Variants in MGAT4C observed in about 807,000 individuals in gnomAD.
MGAT4C encodes the protein MGAT4 family member C, also known as alpha-1,3-mannosyl-glycoprotein 4-beta-N-acetylglucosaminyltransferase C.
In MGAT4C, 19 loss-of-function variants were observed where a neutral mutation model predicts 40.1. The observed-to-expected ratio is 0.47, with a 90% CI of 0.33 to 0.70. MGAT4C has a LOEUF of 0.70. Ranked by LOEUF, MGAT4C falls within the 30% of genes least tolerant of loss-of-function variation. The pLI, the probability that MGAT4C is intolerant of heterozygous loss-of-function variation, is 0.02. For missense variants in MGAT4C, 491 were observed against 563.2 expected (o/e 0.87, Z 1.30); for synonymous variants, 181 against 187.1 (o/e 0.97, Z 0.27).
chr12:86,051,496 GA>G (rs1475307633), intron 1 of MGAT4C, among the ~76,000 whole-genome samples: 3 of 151,676 alleles, frequency 2.0e-5, no homozygotes, highest in Non-Finnish European at 2.9e-5. Context: ...TCATGTACCT[GA>G]GAAGAGATAT....
Position 85,979,395 on chromosome 12 carries a change from C to G in MGAT4C, c.1331G>C (p.Gly444Ala), listed in dbSNP as rs1287774088. 6.2e-7 allele frequency: 1 copy of G among 1,612,946 alleles called. No homozygotes were observed. The highest frequency in any genetic ancestry group is 8.5e-7 in the Non-Finnish European group (1 of 1,179,290). The change falls in exon 5 of 5, where the codon GGT becomes GCT. Residue 444 changes from glycine to alanine, a missense_variant. Gly to Ala is a moderately conservative substitution (Grantham distance 60, BLOSUM62 0). Transcript: ENST00000611864. ...EFKNGNFEMS[G>A]VNQKIPFDIH... ...ATCAAATGGAATTTTTTGATTTACACCTGACATTTCAAAGTTTCCATTTTT... is the reference window on the plus strand; with the variant it reads ...ATCAAATGGAATTTTTTGATTTACAGCTGACATTTCAAAGTTTCCATTTTT...
intron 1 of MGAT4C, among the ~76,000 whole-genome samples, chr12:86,079,307 T>C (rs2135538108): frequency 6.6e-6 from 1 of 152,304 alleles, no homozygotes; most frequent in African/African-American, 2.4e-5. Context: ...TTAGTATCTC[T>C]TAGAGTTGTA....
chr12:86,684,650 A>C (rs1950039843), intron 2 of MGAT4C, among the ~76,000 whole-genome samples: 1 of 152,188 alleles, frequency 6.6e-6, no homozygotes, highest in Admixed American at 6.5e-5. Context: ...TTCCACCAAC[A>C]GTGTAAAAGC....
chr12:86,677,493 C>T (rs1377060922), intron 2 of MGAT4C, among the ~76,000 whole-genome samples: 1 of 152,084 alleles, frequency 6.6e-6, no homozygotes, highest in Non-Finnish European at 1.5e-5. Context: ...AATTTCATGC[C>T]ATTCAGAATC....
intron 3 of MGAT4C, among the ~76,000 whole-genome samples, chr12:86,349,723 T>C (rs955092783): frequency 1.3e-5 from 2 of 152,286 alleles, no homozygotes; most frequent in South Asian, 2.1e-4. Context: ...GCAGATTTCA[T>C]ACATTACTCA....
chr12:86,589,653 C>T (rs1361833004), intron 2 of MGAT4C, among the ~76,000 whole-genome samples: 1 of 152,136 alleles, frequency 6.6e-6, no homozygotes, highest in South Asian at 2.1e-4. Context: ...AAAAAATCCT[C>T]AATAAAATAC....
chr12:86,141,262 G>T (rs567185977), intron 1 of MGAT4C, among the ~76,000 whole-genome samples: 1 of 152,124 alleles, frequency 6.6e-6, no homozygotes. Context: ...TTTTACAAAG[G>T]ATACAATTCT....
intron 1 of MGAT4C, among the ~76,000 whole-genome samples, chr12:86,094,529 T>C (rs1873538830): frequency 6.6e-6 from 1 of 152,154 alleles, no homozygotes; most frequent in Admixed American, 6.6e-5. Flanking sequence ...AAGACAAAAG[T>C]ATATCCCAGA....
At chr12:86,259,178 ATT>A (rs942531605), upstream of MGAT4C, among the ~76,000 whole-genome samples, 5 of 152,080 alleles carry the variant, frequency 3.3e-5, no homozygotes, top group African/African-American at 1.2e-4. Flanking sequence ...AATTTATAAA[ATT>A]TTTTTGTGAT....
intron 1 of MGAT4C, among the ~76,000 whole-genome samples, chr12:86,146,495 A>C: frequency 6.6e-6 from 1 of 152,258 alleles, no homozygotes; most frequent in East Asian, 1.9e-4. Context: ...TAATTTTAAA[A>C]GTATTTTTAA....
chr12:86,194,637 T>C (rs939165189), intron 1 of MGAT4C, among the ~76,000 whole-genome samples: 4 of 150,486 alleles, frequency 2.7e-5, no homozygotes, highest in Non-Finnish European at 3.0e-5. Flanking sequence ...TTTTTTTTTG[T>C]ATTTTTAGTA....
intron 2 of MGAT4C, among the ~76,000 whole-genome samples, chr12:86,521,926 A>T (rs139814086): frequency 1.3e-5 from 2 of 152,058 alleles, no homozygotes; most frequent in Admixed American, 1.3e-4. Flanking sequence ...TAGTGTAGGA[A>T]TGCTAGTGAT....
chr12:86,381,010 GTTTTTGCA>G (rs1316903426), intron 3 of MGAT4C, among the ~76,000 whole-genome samples: 1 of 152,130 alleles, frequency 6.6e-6, no homozygotes, highest in East Asian at 1.9e-4. Context: ...TAGCATACAT[GTTTTTGCA>G]AGCATAAACA....
intron 1 of MGAT4C, among the ~76,000 whole-genome samples, chr12:86,101,680 A>G (rs1422892104): frequency 6.6e-6 from 1 of 151,862 alleles, no homozygotes; most frequent in African/African-American, 2.4e-5. Context: ...ATGGTAGTAC[A>G]GTAAAAGCTG....
chr12:86,535,768 T>G (rs965389277), intron 2 of MGAT4C, among the ~76,000 whole-genome samples: 1 of 152,104 alleles, frequency 6.6e-6, no homozygotes, highest in Non-Finnish European at 1.5e-5. Flanking sequence ...CTATGTGAAT[T>G]TGGAGTTTGG....
rs561209822 is a variant in MGAT4C at position 86,323,979 on chromosome 12, C to A, written c.-57+10086G>T. On this transcript the variant is annotated intron_variant, in intron 4 of 7. Transcript: ENST00000548651. ...TATGGACTATGTATTCTTATATAAG[C>A]TATTACGAATCAAAAGAAAACTGGA... 2.3e-3 allele frequency among the ~76,000 whole-genome samples: 355 copies of A among 151,948 alleles called. 1 individual carries two copies. The highest frequency in any genetic ancestry group is 7.9e-3 in the African/African-American group (329 of 41,510).
intron 1 of MGAT4C, among the ~76,000 whole-genome samples, chr12:86,192,368 G>A (rs1040685316): frequency 6.6e-6 from 1 of 152,126 alleles, no homozygotes; most frequent in African/African-American, 2.4e-5. Context: ...TGATGAAGCT[G>A]AGGACACTGA....
intron 3 of MGAT4C, among the ~76,000 whole-genome samples, chr12:86,369,303 T>C (rs1955672585): frequency 6.6e-6 from 1 of 151,972 alleles, no homozygotes; most frequent in Non-Finnish European, 1.5e-5. Flanking sequence ...TAAAATATCA[T>C]ATCTTTAATT....
intron 2 of MGAT4C, among the ~76,000 whole-genome samples, chr12:86,611,152 A>G (rs1962245184): frequency 6.6e-6 from 1 of 152,122 alleles, no homozygotes; most frequent in African/African-American, 2.4e-5. Flanking sequence ...TGATGGATAC[A>G]TTTCCATGGC....
Sources: allele counts gnomAD v4.1 joint callset (sites outside exome capture counted in the v4.1 genomes callset), GRCh38; gene constraint gnomAD v4.1.1; transcripts MANE v1.5; gene names NCBI Gene and HGNC (gene_info 2026-07-23, HGNC 2026-07-21).